The following C2orf42 variants were observed in gnomAD, a reference collection of about 807,000 sequenced individuals.
C2orf42 encodes the protein chromosome 2 open reading frame 42.
Under a neutral mutation model 58.9 loss-of-function variants are expected in C2orf42, and 44 were observed. The ratio of observed to expected loss-of-function variants is 0.75; its 90% CI spans 0.59 to 0.96. The LOEUF is 0.96. Ranked by LOEUF, C2orf42 falls within the 40% of genes least tolerant of loss-of-function variation. The pLI is 0.00. For missense variants in C2orf42, 630 were observed against 699.2 expected (o/e 0.90, Z 1.12); for synonymous variants, 239 against 265.4 (o/e 0.90, Z 0.97).
At chr2:70,170,986 G>A (rs183154183) in intron 5 of C2orf42, among the ~76,000 whole-genome samples, 1,669 of 150,684 alleles carry the variant, frequency 0.011, 15 homozygotes, top group Admixed American at 0.013. Context: ...GAGGTGGCAG[G>A]CACCTGTAGT....
In C2orf42 at chr2:70,181,317, G is replaced by A; in HGVS notation, c.669C>T (p.Phe223=). The A allele has an allele frequency of 6.2e-7, 1 of 1,614,060 alleles. No individual in the cohort carries two copies. The highest frequency in any genetic ancestry group is 8.5e-7 in the Non-Finnish European group (1 of 1,179,966). ...SGKSLPERRF[F]CSCQTLKSHK... is the part of the protein sequence containing the mutation. ...GCGATTTCAGAGTCTGACAGGAGCA[G>A]AAGAAGCGGCGCTCAGGCAAGCTTT... Residue 223 remains phenylalanine (F), a synonymous_variant, in exon 3 of 10, where the codon TTC becomes TTT. Coordinates refer to ENST00000264434, the MANE Select transcript of C2orf42 (RefSeq NM_017880.3).
At position 70,176,461 on chromosome 2, in the gene C2orf42, G is replaced by A. The variant is rs185924358; in HGVS notation, c.935-684C>T. Among the ~76,000 whole-genome samples, 292 of 150,948 alleles carry A rather than the reference G, an allele frequency of 1.9e-3. 1 individual carries two copies. The highest frequency in any genetic ancestry group is 4.3e-3 in the Admixed American group (64 of 15,032). The stretch of plus-strand genomic sequence containing the variant: ...GGAGCTTGCAGTGAGCCGAGACTGC[G>A]CCACTGCACTCCAGCCTGGGCGACA... On this transcript the variant is annotated intron_variant, in intron 4 of 9. Transcript: ENST00000264434.
intron 4 of C2orf42, among the ~76,000 whole-genome samples, chr2:70,177,385 AG>A (rs1215086081): frequency 6.6e-6 from 1 of 152,138 alleles, no homozygotes; most frequent in African/African-American, 2.4e-5. Flanking sequence ...GGTTGCAGTG[AG>A]CCAAGATCAC....
intron 1 of C2orf42, among the ~76,000 whole-genome samples, chr2:70,189,263 G>A (rs567518178): frequency 2.4e-4 from 37 of 151,408 alleles, no homozygotes; most frequent in Admixed American, 4.6e-4. Context: ...AAAATTAGCC[G>A]GGCGTGGTGA....
intron 9 of C2orf42, among the ~76,000 whole-genome samples, chr2:70,156,496 T>C (rs773229155): frequency 3.3e-5 from 5 of 150,386 alleles, no homozygotes; most frequent in Non-Finnish European, 7.4e-5. Flanking sequence ...ACCCTGTCTC[T>C]GAAAAAAGAT....
At chr2:70,151,229 G>A (rs562629706) in intron 9 of C2orf42, among the ~76,000 whole-genome samples, 4 of 152,124 alleles carry the variant, frequency 2.6e-5, no homozygotes, top group Non-Finnish European at 4.4e-5. Flanking sequence ...TGTGCCCATA[G>A]TCCCAACTAC....
chr2:70,174,677 C>CT lies in C2orf42; in HGVS notation c.1039+995dup, dbSNP rs547885328. 2.7e-3 allele frequency among the ~76,000 whole-genome samples: 394 copies of CT among 144,862 alleles called. 1 individual carries two copies. The highest frequency in any genetic ancestry group is 8.7e-3 in the African/African-American group (343 of 39,616). ...TTACAACCCTCCCAACCCCCTCTTTCTTTTTTTTTTGAGACTAAGTCTTGC... is the reference window on the plus strand; with the variant it reads ...TTACAACCCTCCCAACCCCCTCTTTCTTTTTTTTTTTGAGACTAAGTCTTGC... On this transcript the variant is annotated intron_variant, in intron 5 of 9. Coordinates refer to ENST00000264434, the MANE Select transcript of C2orf42 (RefSeq NM_017880.3).
At chr2:70,170,853 C>T (rs908021942) in intron 5 of C2orf42, among the ~76,000 whole-genome samples, 6 of 151,940 alleles carry the variant, frequency 3.9e-5, no homozygotes, top group East Asian at 3.9e-4. Context: ...TGGTGGCTCA[C>T]GCCTGTAATC....
At chr2:70,162,719 A>T (rs1673137114) in intron 8 of C2orf42, among the ~76,000 whole-genome samples, 1 of 151,908 alleles carries the variant, frequency 6.6e-6, no homozygotes, top group Admixed American at 6.6e-5. Flanking sequence ...GCAATCCTTC[A>T]TCTCAGCCTC....
In C2orf42 at chr2:70,189,110, T is replaced by TA. The variant is rs200187399; in HGVS notation, c.-282+1862dup. ...AAAATAAAATATTTTTACAGCTGTT[T>TA]AAAAAAAAATGGCATGGCCGGGCAC... On this transcript the variant is annotated intron_variant, in intron 1 of 9. Coordinates refer to ENST00000264434, the MANE Select transcript of C2orf42 (RefSeq NM_017880.3). Among the ~76,000 whole-genome samples, 480 of 151,104 alleles carry TA rather than the reference T, an allele frequency of 3.2e-3. 2 individuals are homozygous for TA. Among genetic ancestry groups the TA allele is most frequent in the African/African-American group, 0.011 (446 of 41,212 alleles).
chr2:70,175,852 C>T (rs1321488180), intron 4 of C2orf42, 75 bp from the exon 5 acceptor site: 1 of 933,436 alleles, frequency 1.1e-6, no homozygotes, highest in African/African-American at 1.6e-5. Flanking sequence ...TTTTTAGAGT[C>T]TAAAACATAT....
chr2:70,188,831 C>G (rs1029737396), intron 1 of C2orf42, among the ~76,000 whole-genome samples: 7 of 152,120 alleles, frequency 4.6e-5, no homozygotes, highest in Non-Finnish European at 8.8e-5. Context: ...AAATGTCCCT[C>G]AATTTGAGCT....
intron 9 of C2orf42, among the ~76,000 whole-genome samples, chr2:70,151,906 A>G (rs1672337733): frequency 1.3e-5 from 2 of 151,852 alleles, no homozygotes; most frequent in Non-Finnish European, 2.9e-5. Context: ...CCTTCCAAGT[A>G]GCTGGGACTA....
chr2:70,159,956 T>C (rs1672949958), intron 9 of C2orf42, among the ~76,000 whole-genome samples: 1 of 152,132 alleles, frequency 6.6e-6, no homozygotes, highest in Non-Finnish European at 1.5e-5. Flanking sequence ...AGATATTTCA[T>C]TCACAAGAGC....
At position 70,165,540 on chromosome 2, in the gene C2orf42, T is replaced by C. The variant is rs200347681; in HGVS notation, c.1240A>G (p.Asn414Asp). The C allele has an allele frequency of 1.3e-4, 205 of 1,586,254 alleles. No individual in the cohort carries two copies. Among genetic ancestry groups the C allele is most frequent in the Non-Finnish European group, 1.0e-5 (12 of 1,154,628 alleles). The change falls in exon 7 of 10, where the codon AAC (asparagine) becomes GAC (aspartate). Residue 414 changes from asparagine (N) to aspartate (D), a missense_variant. Coordinates refer to ENST00000264434, the MANE Select transcript of C2orf42 (RefSeq NM_017880.3). ...GGAAATCCTGTACCTGTGGTGGAGT[T>C]GGGGAGCCGTTTTTTTGCACTTCCT... ...SIGSAKKRLP[N>D]STTAFVRKDA...
At chr2:70,155,486 T>A (rs1349087097) in intron 9 of C2orf42, among the ~76,000 whole-genome samples, 1 of 151,928 alleles carries the variant, frequency 6.6e-6, no homozygotes, top group Non-Finnish European at 1.5e-5. Flanking sequence ...ACATAGAAGG[T>A]TAAAGAATAC....
intron 9 of C2orf42, among the ~76,000 whole-genome samples, chr2:70,158,522 T>A (rs1672846354): frequency 6.6e-6 from 1 of 152,166 alleles, no homozygotes; most frequent in Non-Finnish European, 1.5e-5. Context: ...CGATCTCGGC[T>A]CACTGCAACC....
intron 4 of C2orf42, among the ~76,000 whole-genome samples, chr2:70,179,175 T>C (rs1359160129): frequency 2.6e-5 from 4 of 152,284 alleles, no homozygotes. Context: ...GGTTGGATCT[T>C]ATTTTTGGCT....
At chr2:70,168,433 A>G (rs6761343) in intron 6 of C2orf42, among the ~76,000 whole-genome samples, 29,294 of 149,262 alleles carry the variant, frequency 0.2, 4,018 homozygotes, top group African/African-American at 0.39. Context: ...GACTACAGGC[A>G]CCCGCCACCA....
Sources: gnomAD v4.1 joint callset for allele counts (sites outside exome capture counted in the v4.1 genomes callset) on GRCh38, gnomAD v4.1.1 for gene constraint, MANE v1.5 for transcripts, NCBI Gene and HGNC (gene_info 2026-07-23, HGNC 2026-07-21) for gene names.